The following SERPINB6 variants were observed in gnomAD, a reference collection of about 807,000 sequenced individuals.
The protein encoded by SERPINB6 is serpin B6.
SERPINB6 carries 16 observed loss-of-function variants against 26.1 expected under a neutral mutation model. That is an observed-to-expected ratio of 0.61 (90% CI 0.42 to 0.93). The LOEUF (loss-of-function observed/expected upper bound fraction) is 0.93. Among genes scored for constraint, SERPINB6 ranks in the 40% least tolerant of loss-of-function variants. The pLI, the probability that SERPINB6 is intolerant of heterozygous loss-of-function variation, is 0.00. For missense variants in SERPINB6, 420 were observed against 478.0 expected (o/e 0.88, Z 1.13); for synonymous variants, 174 against 176.6 (o/e 0.99, Z 0.11).
intron 1 of SERPINB6, chr6:2,963,829 G>C (rs1245726605): frequency 6.6e-6 from 1 of 152,244 alleles, no homozygotes; most frequent in Non-Finnish European, 1.5e-5. Context: ...CTCTTGCCTT[G>C]TTGTATTACT....
Position 2,968,892 on chromosome 6 carries a change from C to T in SERPINB6, c.-11+2641G>A, listed in dbSNP as rs569571436. The T allele has an allele frequency of 1.1e-5, 14 of 1,229,074 alleles. No homozygotes were observed. In the Admixed American group the frequency reaches 3.0e-4, roughly 26 times the overall value. 76.1% of individuals were successfully genotyped at this position (1,229,074 alleles called of 1,614,324 possible). A position where few individuals can be genotyped will look rare whatever the true frequency, so the allele number is the denominator to read the frequency against. On this transcript the variant is annotated intron_variant, in intron 1 of 6. Transcript: ENST00000380539. ...GGAACCAGCAAATGGGAGAACTCTT[C>T]GGTGTGGCTATCGGTGGTGTTCTGG...
intron 5 of SERPINB6, 128 bp downstream of exon 5, chr6:2,952,916 G>C: frequency 7.3e-7 from 1 of 1,374,616 alleles, no homozygotes; most frequent in Non-Finnish European, 1.0e-6. Context: ...GGGACACGAG[G>C]CCACCCAATG....
At position 2,967,029 on chromosome 6, in the gene SERPINB6, A is replaced by C. The variant is rs1771704182; in HGVS notation, c.-11+4504T>G. The C allele has an allele frequency of 2.0e-6, 2 of 985,144 alleles. No individual in the cohort carries two copies. Among genetic ancestry groups the C allele is most frequent in the South Asian group, 4.7e-5 (1 of 21,276 alleles). The allele number at this position is 985,144 out of a possible 1,614,324, so 61.0% of individuals were successfully genotyped here. On this transcript the variant is annotated intron_variant, in intron 1 of 6. Coordinates refer to ENST00000380539, the MANE Select transcript of SERPINB6 (RefSeq NM_004568.6). This position sits in a 1 kb window ranked among gnomAD's most constrained non-coding sequence, Gnocchi z 4.3. ...GTTCTCTTTTTCTGTCAAGTACAAA[A>C]CTCTTAGACTGATATCATCTGGGAC...
rs1461602444 is a variant in SERPINB6, at chr6:2,967,695, G to C, written c.-11+3838C>G. The C allele has an allele frequency of 6.6e-6, 1 of 152,142 alleles. No homozygotes were observed. The highest frequency in any genetic ancestry group is 1.5e-5 in the Non-Finnish European group (1 of 68,032). The allele number at this position is 152,142 out of a possible 1,614,324, so 9.4% of individuals were successfully genotyped here. A position where few individuals can be genotyped will look rare whatever the true frequency, so the allele number is the denominator to read the frequency against. Reference sequence around the variant, plus strand: ...GCAGCCAACAGCCATAAGAAAAAAGGCTCAGTATCACTGATCATTAGAGAA... The same window carrying C: ...GCAGCCAACAGCCATAAGAAAAAAGCCTCAGTATCACTGATCATTAGAGAA... On this transcript the variant is annotated intron_variant, in intron 1 of 6. Transcript: ENST00000380539. The surrounding 1 kb of genome is among the most constrained non-coding windows in gnomAD (Gnocchi z 4.3).
At chr6:2,965,048 C>G (rs1461272392) in intron 1 of SERPINB6, among the ~76,000 whole-genome samples, 2 of 152,178 alleles carry the variant, frequency 1.3e-5, no homozygotes, top group African/African-American at 2.4e-5. Context: ...CGGTCCCGAT[C>G]CACAGGTTTG....
chr6:2,949,195 A>G (rs1769489353), intron 5 of SERPINB6, 126 bp from the exon 6 acceptor site: 2 of 1,072,540 alleles, frequency 1.9e-6, no homozygotes, highest in South Asian at 1.3e-5. Context: ...CTTCCAGAAC[A>G]CCCGGCAGCG....
chr6:2,956,905 T>C (rs1581251043), intron 2 of SERPINB6: 1 of 152,042 alleles, frequency 6.6e-6, no homozygotes, highest in Non-Finnish European at 1.5e-5. Flanking sequence ...AACAGCTGCA[T>C]GAGTGACCTG....
Position 2,954,765 on chromosome 6 carries a change from G to T in SERPINB6, c.313-56C>A, listed in dbSNP as rs920527782. The T allele has an allele frequency of 6.1e-6, 7 of 1,155,824 alleles. No individual in the cohort carries two copies. The Admixed American group carries it at 1.2e-4, about 19-fold the overall frequency. 71.6% of individuals were successfully genotyped at this position (1,155,824 alleles called of 1,614,324 possible). On this transcript the variant is annotated intron_variant, in intron 3 of 6. Coordinates refer to ENST00000380539, the MANE Select transcript of SERPINB6 (RefSeq NM_004568.6). Reference sequence around the variant, plus strand: ...GCTACAAAAATGATGAACACCAACGGCCTACTTCTTCATTGCACCAAGTCA... The same window carrying T: ...GCTACAAAAATGATGAACACCAACGTCCTACTTCTTCATTGCACCAAGTCA...
At chr6:2,971,112 G>T in intron 1 of SERPINB6, 1 of 1,069,834 alleles carries the variant, frequency 9.3e-7, no homozygotes, top group Non-Finnish European at 1.1e-6. Flanking sequence ...GCCGACCGGG[G>T]TCACCTGTGG....
intron 5 of SERPINB6, among the ~76,000 whole-genome samples, chr6:2,950,211 T>G (rs1406755600): frequency 6.6e-6 from 1 of 152,064 alleles, no homozygotes; most frequent in African/African-American, 2.4e-5. Context: ...GGCTGAAAAA[T>G]ACCTAGCACC....
intron 3 of SERPINB6, 50 bp downstream of exon 3, chr6:2,955,474 C>T (rs1770348531): frequency 5.6e-6 from 9 of 1,613,184 alleles, no homozygotes; most frequent in Non-Finnish European, 6.8e-6. Context: ...CCAGCCCCCA[C>T]TACCTGGCCA....
intron 3 of SERPINB6, chr6:2,955,285 G>A: frequency 1.8e-6 from 1 of 560,744 alleles, no homozygotes; most frequent in Non-Finnish European, 3.2e-6. Flanking sequence ...ATCCTTTAAG[G>A]GAGCAGCCAT....
chr6:2,951,566 C>G (rs1769817349), intron 5 of SERPINB6, among the ~76,000 whole-genome samples: 1 of 152,116 alleles, frequency 6.6e-6, no homozygotes, highest in Non-Finnish European at 1.5e-5. Context: ...ATAAAAAGAT[C>G]TAACCTTAGT....
At chr6:2,953,931 G>A (rs1291768084) in intron 4 of SERPINB6, among the ~76,000 whole-genome samples, 1 of 152,104 alleles carries the variant, frequency 6.6e-6, no homozygotes, top group Non-Finnish European at 1.5e-5. Context: ...TTGGGAGGTT[G>A]AGATAGGAGA....
At chr6:2,970,176 T>C (rs1295727932) in intron 1 of SERPINB6, 1 of 984,966 alleles carries the variant, frequency 1.0e-6, no homozygotes, top group East Asian at 1.1e-4. Context: ...TCTGCTTGGG[T>C]GCCCTTATTA....
At chr6:2,949,198 CG>C (rs1327848045) in intron 5 of SERPINB6, 129 bp from the exon 6 acceptor site, 1 of 1,017,044 alleles carries the variant, frequency 9.8e-7, no homozygotes, top group Admixed American at 2.0e-5. Context: ...CCAGAACACC[CG>C]GCAGCGCCTG....
At position 2,970,913 on chromosome 6, in the gene SERPINB6, T is replaced by C. The variant is rs1772088967; in HGVS notation, c.-11+620A>G. 7.3e-6 allele frequency: 9 copies of C among 1,229,670 alleles called. No individual in the cohort carries two copies. In the Admixed American group the frequency reaches 2.1e-4, roughly 29 times the overall value. 76.2% of individuals were successfully genotyped at this position (1,229,670 alleles called of 1,614,324 possible). A position where few individuals can be genotyped will look rare whatever the true frequency, so the allele number is the denominator to read the frequency against. On this transcript the variant is annotated intron_variant, in intron 1 of 6. Coordinates refer to ENST00000380539, the MANE Select transcript of SERPINB6 (RefSeq NM_004568.6). ...TCCACAGGTCTGGGCGACCTGAAAG[T>C]GCTGCGGATTGGCCAAGCCCAGCAC...
chr6:2,961,001 G>C (rs775015771), intron 1 of SERPINB6: 3 of 152,234 alleles, frequency 2.0e-5, no homozygotes, highest in African/African-American at 7.2e-5. Context: ...GCCAAGAAAC[G>C]CAAGGACCAC....
At chr6:2,959,622 C>G in intron 1 of SERPINB6, 1 of 470,704 alleles carries the variant, frequency 2.1e-6, no homozygotes, top group Middle Eastern at 6.2e-4. Context: ...AAGGAGGCAC[C>G]CTTTCCTGGA....
Sources: gnomAD v4.1 joint callset for allele counts (sites outside exome capture counted in the v4.1 genomes callset) on GRCh38, gnomAD v4.1.1 for gene constraint, Gnocchi (gnomAD v3.1) non-coding constraint, MANE v1.5 for transcripts, NCBI Gene and HGNC (gene_info 2026-07-23, HGNC 2026-07-21) for gene names.